CPS1: variants seen among roughly 807,000 people sequenced by gnomAD.
CPS1 encodes the protein carbamoyl-phosphate synthase [ammonia], mitochondrial.
A neutral mutation model predicts 174.6 loss-of-function variants in CPS1; 109 were observed. That is an observed-to-expected ratio of 0.62 (90% CI 0.53 to 0.73). The LOEUF (loss-of-function observed/expected upper bound fraction) is 0.73, where lower values mean the gene tolerates loss of function less well. CPS1 is among the 30% of genes least tolerant of loss of function. The pLI is 0.00. For synonymous variants in CPS1, 637 were observed against 632.0 expected, an observed-to-expected ratio of 1.01 and a Z score of -0.12; for missense variants, 1,689 against 1,821.9, an observed-to-expected ratio of 0.93 and a Z score of 1.33.
chr2:210,624,732 A>G (rs1439633252), intron 21 of CPS1, among the ~76,000 whole-genome samples: 1 of 152,060 alleles, frequency 6.6e-6, no homozygotes, highest in Non-Finnish European at 1.5e-5. Flanking sequence ...TAGTTTTGGC[A>G]AATGATTGTG....
At chr2:210,565,687 ATCTC>A (rs914431454) in intron 1 of CPS1, among the ~76,000 whole-genome samples, 1 of 151,966 alleles carries the variant, frequency 6.6e-6, no homozygotes, top group African/African-American at 2.4e-5. Flanking sequence ...GTACAGAAAA[ATCTC>A]TCTCTCTGTA....
At chr2:210,520,732 CATT>C (rs749218306) in intron 1 of CPS1, among the ~76,000 whole-genome samples, 8 of 152,014 alleles carry the variant, frequency 5.3e-5, no homozygotes, top group Non-Finnish European at 7.4e-5. Context: ...TTTCACCAAA[CATT>C]ATTATTTTGA....
intron 1 of CPS1, among the ~76,000 whole-genome samples, chr2:210,543,184 G>A (rs917135507): frequency 2.2e-4 from 33 of 152,198 alleles, no homozygotes; most frequent in African/African-American, 7.7e-4. Context: ...TTCCTATGTG[G>A]GCTCACGTTG....
At chr2:210,595,852 T>C (rs903003852) in intron 13 of CPS1, among the ~76,000 whole-genome samples, 1 of 151,960 alleles carries the variant, frequency 6.6e-6, no homozygotes, top group Non-Finnish European at 1.5e-5. Context: ...TAAAGCCACA[T>C]TTATTTATGC....
intron 21 of CPS1, among the ~76,000 whole-genome samples, chr2:210,623,502 A>T (rs908289113): frequency 2.0e-5 from 3 of 151,838 alleles, no homozygotes; most frequent in South Asian, 2.1e-4. Context: ...ATATAGTTTT[A>T]AAAAAAAGAG....
At chr2:210,627,160 A>G (rs568335498) in intron 21 of CPS1, among the ~76,000 whole-genome samples, 5 of 152,288 alleles carry the variant, frequency 3.3e-5, no homozygotes, top group African/African-American at 1.2e-4. Context: ...CATTGTGAGG[A>G]ATTTGCCCTT....
intron 2 of CPS1, among the ~76,000 whole-genome samples, chr2:210,573,900 C>A (rs1697600539): frequency 6.6e-6 from 1 of 151,994 alleles, no homozygotes; most frequent in Non-Finnish European, 1.5e-5. Context: ...GTTGAAATAA[C>A]AGATACATTT....
chr2:210,620,861 C>T (rs1384115752), intron 21 of CPS1, among the ~76,000 whole-genome samples: 1 of 151,998 alleles, frequency 6.6e-6, no homozygotes, highest in Non-Finnish European at 1.5e-5. Flanking sequence ...TGGGCAGGGA[C>T]AAACATAAAA....
At chr2:210,645,575 A>G (rs1700353337) in intron 25 of CPS1, among the ~76,000 whole-genome samples, 1 of 152,042 alleles carries the variant, frequency 6.6e-6, no homozygotes. Flanking sequence ...AGGGTAGATC[A>G]CTTGAGGCCA....
At chr2:210,665,280 T>G (rs970455890) in intron 33 of CPS1, among the ~76,000 whole-genome samples, 2 of 152,180 alleles carry the variant, frequency 1.3e-5, no homozygotes, top group Admixed American at 1.3e-4. Context: ...GTAATTTGCT[T>G]AAGAAATGAA....
rs1701172737 is a variant in CPS1 at position 210,668,283 on chromosome 2, A to G, written c.4100A>G (p.Gln1367Arg). 2 of 1,609,966 alleles carry G rather than the reference A, an allele frequency of 1.2e-6. No homozygotes were observed. Among genetic ancestry groups the G allele is most frequent in the Non-Finnish European group, 1.7e-6 (2 of 1,176,390 alleles). ...IPQKGILIGI[Q>R]QSFRPRFLGV... is the part of the protein sequence containing the mutation. Reference sequence around the variant, plus strand: ...CAGAAAGGCATCCTGATAGGCATCCAGGTAAGTGGTTTGTGGCTGTGTGCT... The same window carrying G: ...CAGAAAGGCATCCTGATAGGCATCCGGGTAAGTGGTTTGTGGCTGTGTGCT... Residue 1367 changes from glutamine to arginine, a missense_variant and splice_region_variant, in exon 34 of 38, where the codon CAG becomes CGG. Physicochemically the swap from Gln to Arg is conservative, Grantham distance 43 (BLOSUM62 1). Transcript: ENST00000233072.
At chr2:210,563,292 T>G (rs1697165842) in intron 1 of CPS1, among the ~76,000 whole-genome samples, 1 of 152,150 alleles carries the variant, frequency 6.6e-6, no homozygotes, top group Non-Finnish European at 1.5e-5. Context: ...TTTCCTTTTC[T>G]TTTTTTGAGA....
chr2:210,640,168 T>A, intron 24 of CPS1, 109 bp downstream of exon 24: 1 of 789,552 alleles, frequency 1.3e-6, no homozygotes, highest in Non-Finnish European at 2.0e-6. Flanking sequence ...TGCTGTAATA[T>A]ATGTTTTGCA....
chr2:210,534,455 G>C (rs1411916840), intron 1 of CPS1, among the ~76,000 whole-genome samples: 1 of 152,190 alleles, frequency 6.6e-6, no homozygotes, highest in East Asian at 1.9e-4. Flanking sequence ...CTGTGGGCCA[G>C]ATTTGTGCAT....
At position 210,599,401 on chromosome 2, in the gene CPS1, C is replaced by T. The variant is rs777074869; in HGVS notation, c.1389C>T (p.Asn463=). ...AAAATGTCAAAACTGTTCTGATGAA[C>T]CCAAACATTGCATCAGTCCAGACCA... is the stretch of plus-strand genomic sequence containing the variant. ...KEENVKTVLM[N]PNIASVQTNE... Residue 463 remains asparagine (N), a synonymous_variant, in exon 14 of 38, where the codon AAC becomes AAT. Coordinates refer to ENST00000233072, the MANE Select transcript of CPS1 (RefSeq NM_001875.5). 2.5e-6 allele frequency: 4 copies of T among 1,612,342 alleles called. No individual in the cohort carries two copies. Among genetic ancestry groups the T allele is most frequent in the South Asian group, 1.1e-5 (1 of 91,060 alleles).
intron 27 of CPS1, among the ~76,000 whole-genome samples, chr2:210,649,630 C>T (rs1177006869): frequency 6.6e-6 from 1 of 152,128 alleles, no homozygotes; most frequent in Non-Finnish European, 1.5e-5. Flanking sequence ...TACATTTTAA[C>T]ATTAAAAGAT....
intron 34 of CPS1, among the ~76,000 whole-genome samples, chr2:210,668,995 GAA>G (rs1236515889): frequency 6.6e-6 from 1 of 152,076 alleles, no homozygotes; most frequent in East Asian, 1.9e-4. Flanking sequence ...ACTCCAGATT[GAA>G]AGTTTTTGAA....
At chr2:210,647,429 C>T (rs1559125723) in intron 25 of CPS1, among the ~76,000 whole-genome samples, 1 of 152,074 alleles carries the variant, frequency 6.6e-6, no homozygotes, top group Non-Finnish European at 1.5e-5. Context: ...AGTGTAGGAG[C>T]AATTTGATGA....
At chr2:210,545,547 A>AT (rs140245083) in intron 1 of CPS1, among the ~76,000 whole-genome samples, 1 of 152,080 alleles carries the variant, frequency 6.6e-6, no homozygotes, top group Non-Finnish European at 1.5e-5. Context: ...AAGACTTACT[A>AT]TTTTTTACAC....
Sources: allele counts gnomAD v4.1 joint callset (sites outside exome capture counted in the v4.1 genomes callset), GRCh38; gene constraint gnomAD v4.1.1; transcripts MANE v1.5; gene names NCBI Gene and HGNC (gene_info 2026-07-23, HGNC 2026-07-21).